Variants in PPP2R1B observed in about 807,000 individuals in gnomAD.
PPP2R1B encodes protein phosphatase 2 scaffold subunit Abeta.
In PPP2R1B, 58 loss-of-function variants were observed where a neutral mutation model predicts 72.7. The observed-to-expected ratio is 0.80, with a 90% confidence interval of 0.65 to 0.99. The LOEUF is 0.99. Ranked by LOEUF, PPP2R1B falls within the 50% of genes least tolerant of loss-of-function variation. The probability of loss-of-function intolerance (pLI) is 0.00; values close to 1 mark genes in which losing one functional copy is unlikely to be tolerated. For missense variants in PPP2R1B, 695 were observed against 733.6 expected (o/e 0.95, Z 0.61); for synonymous variants, 256 against 264.6 (o/e 0.97, Z 0.32).
In PPP2R1B at chr11:111,727,187, G is replaced by C; in HGVS notation, c.1912-130C>G. The stretch of plus-strand genomic sequence containing the variant: ...ACTGCCTTCTGTCACCGTGGGAAAA[G>C]GAGGCTGATGGTTCTCTACACCATC... On this transcript the variant is annotated intron_variant, in intron 15 of 15. Transcript: ENST00000311129. 4 of 734,034 alleles carry C rather than the reference G, an allele frequency of 5.4e-6. No individual in the cohort carries two copies. In the Admixed American group the frequency reaches 8.8e-5, roughly 16 times the overall value. 45.5% of individuals were successfully genotyped at this position (734,034 alleles called of 1,614,324 possible). A position where few individuals can be genotyped will look rare whatever the true frequency, so the allele number is the denominator to read the frequency against.
At chr11:111,752,609 T>G (rs1555048311) in intron 9 of PPP2R1B, among the ~76,000 whole-genome samples, 1 of 152,196 alleles carries the variant, frequency 6.6e-6, no homozygotes, top group Non-Finnish European at 1.5e-5. Context: ...CACTCAAATT[T>G]CAGATCTGTC....
At chr11:111,705,243 C>T in the PPP2R1B span, 1 of 1,220,396 alleles carries the variant, frequency 8.2e-7, no homozygotes. The surrounding 1 kb of genome is among the most constrained non-coding windows in gnomAD (Gnocchi z 4.3). Context: ...CCTCTACACT[C>T]CGTTTTTCTG....
At chr11:111,715,793 C>CTTTTTTTTTT in the PPP2R1B span, among the ~76,000 whole-genome samples, 22 of 81,600 alleles carry the variant, frequency 2.7e-4, no homozygotes, top group Middle Eastern at 0.018. Context: ...TCATTTTTAG[C>CTTTTTTTTTT]TTTTTTTTTT....
chr11:111,737,580 A>G, downstream of PPP2R1B: 1 of 1,614,184 alleles, frequency 6.2e-7, no homozygotes. Context: ...CTAGAGACAC[A>G]GACAGTGGCG....
chr11:111,717,622 A>ATTATCT, the PPP2R1B span, among the ~76,000 whole-genome samples: 1 of 152,232 alleles, frequency 6.6e-6, no homozygotes, highest in Non-Finnish European at 1.5e-5. Flanking sequence ...AAATCATTCT[A>ATTATCT]TTATAAAGAT....
At chr11:111,763,353 T>A (rs1318680592) in intron 3 of PPP2R1B, among the ~76,000 whole-genome samples, 1 of 152,202 alleles carries the variant, frequency 6.6e-6, no homozygotes, top group South Asian at 2.1e-4. Flanking sequence ...CCACTGGGCA[T>A]ATGATAATCC....
chr11:111,714,861 A>G, the PPP2R1B span, among the ~76,000 whole-genome samples: 1 of 152,310 alleles, frequency 6.6e-6, no homozygotes, highest in East Asian at 1.9e-4. Flanking sequence ...GGTTGCTACT[A>G]CAGTCCCACT....
intron 3 of PPP2R1B, among the ~76,000 whole-genome samples, chr11:111,763,256 C>T (rs1945393254): frequency 6.6e-6 from 1 of 152,190 alleles, no homozygotes; most frequent in Non-Finnish European, 1.5e-5. Context: ...GTTCAAAAAA[C>T]AGAAAGATGA....
chr11:111,761,150 G>A (rs191222371), intron 3 of PPP2R1B, 99 bp from the exon 4 acceptor site: 262 of 1,015,482 alleles, frequency 2.6e-4, no homozygotes, highest in Middle Eastern at 2.2e-3. Flanking sequence ...GGTGGTACAC[G>A]TAACCAGAAT....
intron 3 of PPP2R1B, among the ~76,000 whole-genome samples, chr11:111,763,864 C>CTA (rs1426057506): frequency 2.6e-5 from 4 of 151,654 alleles, no homozygotes; most frequent in East Asian, 3.9e-4. Context: ...CTCTCTCTCT[C>CTA]TCTCTATATA....
At chr11:111,722,525 G>C, downstream of PPP2R1B, 1 of 775,416 alleles carries the variant, frequency 1.3e-6, no homozygotes, top group Non-Finnish European at 2.1e-6. This position sits in a 1 kb window ranked among gnomAD's most constrained non-coding sequence, Gnocchi z 4.4. Context: ...AGGGTCTCAG[G>C]GAGTAAATGT....
At chr11:111,712,070 A>C in the PPP2R1B span, 2 of 873,962 alleles carry the variant, frequency 2.3e-6, no homozygotes, top group South Asian at 3.5e-5. Flanking sequence ...TATATATTTC[A>C]CTAAATCTTT....
the PPP2R1B span, among the ~76,000 whole-genome samples, chr11:111,698,712 A>G: frequency 6.6e-6 from 1 of 152,248 alleles, no homozygotes; most frequent in South Asian, 2.1e-4. Context: ...CCCTATCTCA[A>G]AAAAGAAAAG....
the PPP2R1B span, chr11:111,701,129 C>A: frequency 3.8e-6 from 5 of 1,306,098 alleles, no homozygotes; most frequent in African/African-American, 5.9e-5. The surrounding 1 kb of genome is among the most constrained non-coding windows in gnomAD (Gnocchi z 4.2). Flanking sequence ...TTTTCCCCAT[C>A]CACTGGACTA....
chr11:111,738,313 T>C lies in PPP2R1B; in HGVS notation c.*3283A>G. ...TTTTTAAAAGTCAGAGGAATTTAAGTAAAAGGCAAGAGGACAGAACAAGCA... is the reference window on the plus strand; with the variant it reads ...TTTTTAAAAGTCAGAGGAATTTAAGCAAAAGGCAAGAGGACAGAACAAGCA... On this transcript the variant is annotated 3_prime_UTR_variant, in exon 15 of 15. Coordinates refer to ENST00000527614, the MANE Select transcript of PPP2R1B (RefSeq NM_002716.5). 5.1e-6 allele frequency: 5 copies of C among 985,436 alleles called. No homozygotes were observed. Among genetic ancestry groups the C allele is most frequent in the Non-Finnish European group, 6.0e-6 (5 of 829,986 alleles). 61.0% of individuals were successfully genotyped at this position (985,436 alleles called of 1,614,324 possible).
downstream of PPP2R1B, chr11:111,737,806 C>T (rs1191298600): frequency 7.7e-7 from 1 of 1,305,086 alleles, no homozygotes; most frequent in Non-Finnish European, 9.9e-7. Flanking sequence ...TTTTGGTGTC[C>T]ACCTGGCTGT....
rs116956755 is a variant in PPP2R1B, at chr11:111,753,053, A to G, written c.1164+390T>C. 7.2e-3 allele frequency among the ~76,000 whole-genome samples: 1,104 copies of G among 152,364 alleles called. 8 individuals carry two copies. Among genetic ancestry groups the G allele is most frequent in the Middle Eastern group, 0.054 (16 of 294 alleles). ...TTGTGAGAATTGCATGTAAAAATAC[A>G]TGCAAAGCACTAAGGCTCATGCTTG... On this transcript the variant is annotated intron_variant, in intron 9 of 14. Transcript: ENST00000527614.
downstream of PPP2R1B, chr11:111,726,737 G>A: frequency 1.8e-6 from 1 of 558,420 alleles, no homozygotes; most frequent in Non-Finnish European, 3.2e-6. Context: ...AGAAGGCTTA[G>A]TATCGCTCTT....
chr11:111,751,556 A>AT (rs539085728), intron 10 of PPP2R1B, among the ~76,000 whole-genome samples: 6 of 152,220 alleles, frequency 3.9e-5, no homozygotes, highest in Non-Finnish European at 5.9e-5. Context: ...GCATTTTTGA[A>AT]TTTGGGCTGC....
Sources: gnomAD v4.1 joint callset for allele counts (sites outside exome capture counted in the v4.1 genomes callset) on GRCh38, gnomAD v4.1.1 for gene constraint, Gnocchi (gnomAD v3.1) non-coding constraint, MANE v1.5 for transcripts, NCBI Gene and HGNC (gene_info 2026-07-23, HGNC 2026-07-21) for gene names.